DST: variants seen among roughly 807,000 people sequenced by gnomAD.
DST encodes the protein dystonin.
In DST, 253 loss-of-function variants were observed where a neutral mutation model predicts 875.2. The observed-to-expected ratio is 0.29, with a 90% CI of 0.26 to 0.32. DST has a LOEUF of 0.32. Ranked by LOEUF, DST falls within the 10% of genes least tolerant of loss-of-function variation. DST has a pLI of 1.00. For missense variants in DST, 8,287 were observed against 9,111.6 expected, an observed-to-expected ratio of 0.91 and a Z score of 3.68; for synonymous variants, 3,124 against 3,197.1, an observed-to-expected ratio of 0.98 and a Z score of 0.77.
intron 4 of DST, among the ~76,000 whole-genome samples, chr6:56,840,495 C>A (rs1370328309): frequency 6.6e-6 from 1 of 151,932 alleles, no homozygotes; most frequent in African/African-American, 2.4e-5. Context: ...ATCAGATGTC[C>A]CTGAATATTC....
chr6:56,475,214 G>A (rs1020966928), intron 92 of DST, among the ~76,000 whole-genome samples: 1 of 152,024 alleles, frequency 6.6e-6, no homozygotes, highest in Admixed American at 6.6e-5. Flanking sequence ...CAAAGGCTGT[G>A]GAAAGGCAGA....
chr6:56,593,667 G>T lies in DST; in HGVS notation c.12722C>A (p.Ser4241Tyr). 6.4e-7 allele frequency: 1 copy of T among 1,559,200 alleles called. No homozygotes were observed. Among genetic ancestry groups the T allele is most frequent in the Non-Finnish European group, 8.7e-7 (1 of 1,153,106 alleles). The change falls in exon 48 of 104, where the codon TCT (serine) becomes TAT (tyrosine). Residue 4241 changes from serine to tyrosine, a missense_variant. By Grantham distance (144) the Ser-to-Tyr change is moderately radical. Around this residue, in one of 10 missense-constraint regions of DST, gnomAD observed 1,513 missense variants for 1,677.8 expected, o/e 0.90. Transcript: ENST00000680361. ...HATDRFRSLY[S>Y]KCNVLGNNLK... ...AAAAAATCAAAATAACATTACCTTAGAGTAGAGAGACCTGAACCGATCAGT... is the reference window on the plus strand; with the variant it reads ...AAAAAATCAAAATAACATTACCTTATAGTAGAGAGACCTGAACCGATCAGT...
rs1171401305 is a variant in DST at position 56,851,582 on chromosome 6, C to T, written c.440G>A (p.Arg147His). ...RRPSSGNASYRCSMSSSADFS... is the reference protein window; with the variant it reads ...RRPSSGNASYHCSMSSSADFS... Reference sequence around the variant, plus strand: ...ATCCGCAGAGGAAGACATAGAGCAGCGATAGGACGCGTTCCCGGAACTCTA... The same window carrying T: ...ATCCGCAGAGGAAGACATAGAGCAGTGATAGGACGCGTTCCCGGAACTCTA... Residue 147 changes from arginine to histidine, a missense_variant, in exon 4 of 104, where the codon CGC becomes CAC. Arg to His is a conservative substitution (Grantham distance 29). Coordinates refer to ENST00000680361, the MANE Select transcript of DST (RefSeq NM_001374736.1). 2 of 1,613,738 alleles carry T rather than the reference C, an allele frequency of 1.2e-6. No homozygotes were observed. Among genetic ancestry groups the T allele is most frequent in the Non-Finnish European group, 8.5e-7 (1 of 1,179,860 alleles).
chr6:56,470,410 T>A lies in DST; in HGVS notation c.22322-128A>T, dbSNP rs1175376730. On this transcript the variant is annotated intron_variant, in intron 95 of 103. Coordinates refer to ENST00000680361, the MANE Select transcript of DST (RefSeq NM_001374736.1). ...GATCAAATATATTAAAATCCTTTTTTAAAAAACTGATTTACATCACAGCAA... is the reference window on the plus strand; with the variant it reads ...GATCAAATATATTAAAATCCTTTTTAAAAAAACTGATTTACATCACAGCAA... 7.5e-6 allele frequency: 5 copies of A among 669,084 alleles called. No homozygotes were observed. The East Asian group carries it at 8.6e-5, about 12-fold the overall frequency. 41.4% of individuals were successfully genotyped at this position (669,084 alleles called of 1,614,324 possible).
chr6:56,469,873 G>C lies in DST; in HGVS notation c.22551+10C>G, dbSNP rs761829438. ...TTTAAAGGAACTACAACATTACTTT[G>C]AAAACTTACCCTGTATTTATTATCA... On this transcript the variant is annotated intron_variant, in intron 97 of 103. Transcript: ENST00000680361. 3.1e-6 allele frequency: 5 copies of C among 1,609,940 alleles called. No individual in the cohort carries two copies. The South Asian group carries it at 3.3e-5, about 11-fold the overall frequency.
Position 56,631,370 on chromosome 6 carries a change from T to C in DST, c.3983A>G (p.Glu1328Gly). The stretch of plus-strand genomic sequence containing the variant: ...TGTTCCCAAATCATCTTTAAGTCGT[T>C]CCAGCTCTTTCTTTAGTTTCTATAA... ...TEQEKLKKEL[E>G]RLKDDLGTIT... The change falls in exon 30 of 104, where the codon GAA (glutamate) becomes GGA (glycine). Residue 1328 changes from glutamate (E) to glycine (G), a missense_variant. Transcript: ENST00000680361. 3.7e-6 allele frequency: 6 copies of C among 1,613,956 alleles called. No individual in the cohort carries two copies. The highest frequency in any genetic ancestry group is 5.1e-6 in the Non-Finnish European group (6 of 1,179,902).
intron 2 of DST, among the ~76,000 whole-genome samples, chr6:56,920,543 C>G (rs568397450): frequency 5.9e-5 from 9 of 151,954 alleles, no homozygotes; most frequent in African/African-American, 2.2e-4. Context: ...AGTGAGCAAC[C>G]GTTAAAAATT....
At chr6:56,522,309 T>C (rs924527275) in intron 69 of DST, among the ~76,000 whole-genome samples, 5 of 152,112 alleles carry the variant, frequency 3.3e-5, no homozygotes, top group African/African-American at 1.2e-4. Context: ...AGGTAGTAAA[T>C]GCTGAGCCTG....
intron 36 of DST, chr6:56,618,594 T>A: frequency 6.2e-7 from 1 of 1,614,180 alleles, no homozygotes; most frequent in Non-Finnish European, 8.5e-7. Flanking sequence ...CCTTGCTGCA[T>A]TTGTTCACGA....
intron 4 of DST, among the ~76,000 whole-genome samples, chr6:56,738,190 G>A (rs1466378723): frequency 6.6e-6 from 1 of 152,128 alleles, no homozygotes; most frequent in Non-Finnish European, 1.5e-5. Context: ...TTTTGATTCT[G>A]CCTATAATAC....
At chr6:56,727,978 C>A (rs1411192908) in intron 5 of DST, among the ~76,000 whole-genome samples, 4 of 152,102 alleles carry the variant, frequency 2.6e-5, no homozygotes, top group Non-Finnish European at 5.9e-5. Flanking sequence ...AGGATTAAAT[C>A]AGATAATGTA....
chr6:56,827,287 G>T (rs1005032791), intron 4 of DST, among the ~76,000 whole-genome samples: 3 of 151,992 alleles, frequency 2.0e-5, no homozygotes, highest in Non-Finnish European at 4.4e-5. Context: ...AGGCCGAGGC[G>T]GGTGGATCAC....
intron 9 of DST, among the ~76,000 whole-genome samples, chr6:56,684,784 T>A (rs2099172862): frequency 6.6e-6 from 1 of 152,168 alleles, no homozygotes; most frequent in African/African-American, 2.4e-5. Context: ...TGAAAGGGAA[T>A]CCCTTGGCTT....
chr6:56,505,295 C>T (rs2096273759), intron 77 of DST, among the ~76,000 whole-genome samples: 1 of 152,092 alleles, frequency 6.6e-6, no homozygotes, highest in Non-Finnish European at 1.5e-5. Context: ...GATAAAGAGA[C>T]TATACAAGCC....
At chr6:56,616,170 A>T (rs1341685159) in intron 36 of DST, 1 of 1,614,196 alleles carries the variant, frequency 6.2e-7, no homozygotes, top group Non-Finnish European at 8.5e-7. Flanking sequence ...CTCAGCAAAG[A>T]ATCAGCAAGT....
At chr6:56,776,332 T>G (rs2099679080) in intron 4 of DST, among the ~76,000 whole-genome samples, 1 of 152,154 alleles carries the variant, frequency 6.6e-6, no homozygotes, top group African/African-American at 2.4e-5. Context: ...TGAAATGTAA[T>G]GTGGTATCCC....
intron 3 of DST, among the ~76,000 whole-genome samples, chr6:56,873,497 GAT>G (rs59416127): frequency 2.6e-5 from 4 of 151,700 alleles, no homozygotes; most frequent in Non-Finnish European, 5.9e-5. Flanking sequence ...GAAATTGTGA[GAT>G]ATATATATAT....
intron 93 of DST, 43 bp downstream of exon 93, chr6:56,473,830 T>C (rs1391830966): frequency 2.6e-6 from 4 of 1,549,276 alleles, no homozygotes; most frequent in Non-Finnish European, 3.5e-6. Context: ...GAAAATTAGC[T>C]CCCTTATTTA....
chr6:56,877,365 C>T (rs913316338), intron 3 of DST, among the ~76,000 whole-genome samples: 3 of 152,146 alleles, frequency 2.0e-5, no homozygotes, highest in African/African-American at 7.2e-5. Context: ...ACAAGCCTGA[C>T]CAACATGGTG....
Sources: allele counts gnomAD v4.1 joint callset (sites outside exome capture counted in the v4.1 genomes callset), GRCh38; gene constraint gnomAD v4.1.1; regional missense constraint gnomAD v4.1.1; transcripts MANE v1.5; gene names NCBI Gene and HGNC (gene_info 2026-07-23, HGNC 2026-07-21).